GPR55: variants seen among roughly 807,000 people sequenced by gnomAD.
GPR55 encodes G-protein coupled receptor 55.
A neutral mutation model predicts 7.9 loss-of-function variants in GPR55; 6 were observed. The ratio of observed to expected loss-of-function variants is 0.76; its 90% CI spans 0.41 to 1.49. The LOEUF (loss-of-function observed/expected upper bound fraction) is 1.49, where lower values mean the gene tolerates loss of function less well. Ranked by LOEUF, GPR55 falls within the 40% of genes most tolerant of loss-of-function variation. The probability of loss-of-function intolerance (pLI) is 0.01; values close to 1 mark genes in which losing one functional copy is unlikely to be tolerated. For synonymous variants in GPR55, 183 were observed against 166.8 expected (o/e 1.10, Z -0.75); for missense variants, 376 against 406.0 (o/e 0.93, Z 0.63).
intron 1 of GPR55, among the ~76,000 whole-genome samples, chr2:230,939,813 G>A (rs1691193682): frequency 6.6e-6 from 1 of 152,142 alleles, no homozygotes; most frequent in Non-Finnish European, 1.5e-5. Context: ...ATGGGTGGAG[G>A]AAGTCCTTGT....
At chr2:230,945,692 C>T (rs954925312) in intron 1 of GPR55, among the ~76,000 whole-genome samples, 5 of 152,218 alleles carry the variant, frequency 3.3e-5, no homozygotes, top group African/African-American at 1.2e-4. Context: ...CCTTCCTCAG[C>T]CTCCCAAGTA....
At chr2:230,913,026 T>A (rs1690628396) in intron 1 of GPR55, among the ~76,000 whole-genome samples, 1 of 152,186 alleles carries the variant, frequency 6.6e-6, no homozygotes, top group Non-Finnish European at 1.5e-5. Flanking sequence ...GGAAATAATA[T>A]ACCTAGAGCC....
rs1382808158 is a variant in GPR55 at position 230,907,675 on chromosome 2, G to C, written c.*2328C>G. Reference sequence around the variant, plus strand: ...AGGACCTTCCTCTTACAGCCATGCAGCTCCTGGGTCCTGGCTCCCCTCCCC... The same window carrying C: ...AGGACCTTCCTCTTACAGCCATGCACCTCCTGGGTCCTGGCTCCCCTCCCC... On this transcript the variant is annotated 3_prime_UTR_variant, in exon 2 of 2. Coordinates refer to ENST00000650999, the MANE Select transcript of GPR55 (RefSeq NM_005683.4). 6.6e-6 allele frequency: 1 copy of C among 152,512 alleles called. No individual in the cohort carries two copies. The highest frequency in any genetic ancestry group is 1.5e-5 in the Non-Finnish European group (1 of 68,292). The allele number at this position is 152,512 out of a possible 1,614,324, so 9.4% of individuals were successfully genotyped here.
intron 1 of GPR55, among the ~76,000 whole-genome samples, chr2:230,934,218 GT>G (rs1265014804): frequency 6.6e-6 from 1 of 152,202 alleles, no homozygotes; most frequent in African/African-American, 2.4e-5. Context: ...ACAGAATATG[GT>G]GATTTCTAAC....
In GPR55 at chr2:230,913,248, A is replaced by T. The variant is rs1690633842; in HGVS notation, c.-134-2152T>A. Among the ~76,000 whole-genome samples the T allele has an allele frequency of 1.3e-5, 2 of 152,138 alleles. 1 individual carries two copies. The highest frequency in any genetic ancestry group is 2.9e-5 in the Non-Finnish European group (2 of 68,018). Reference sequence around the variant, plus strand: ...TGACTTATTTCTTTGCTGTGCAGCTATTGCTAACAGAATTCTCATTCTGCT... The same window carrying T: ...TGACTTATTTCTTTGCTGTGCAGCTTTTGCTAACAGAATTCTCATTCTGCT... On this transcript the variant is annotated intron_variant, in intron 1 of 1. Transcript: ENST00000650999.
Position 230,909,264 on chromosome 2 carries a change from T to TTCCCCAGAAGTGTCCTTTCCTC in GPR55, c.*717_*738dup, listed in dbSNP as rs1690526395. 1 of 152,654 alleles carries TTCCCCAGAAGTGTCCTTTCCTC rather than the reference T, an allele frequency of 6.6e-6. No individual in the cohort carries two copies. The highest frequency in any genetic ancestry group is 2.4e-5 in the African/African-American group (1 of 41,458). The allele number at this position is 152,654 out of a possible 1,614,324, so 9.5% of individuals were successfully genotyped here. The stretch of plus-strand genomic sequence containing the variant: ...TCCAGCCCTGGGCCTGTCTTCTTCC[T>TTCCCCAGAAGTGTCCTTTCCTC]TCCCCAGAAGTGTCCTTTCCTCTCC... On this transcript the variant is annotated 3_prime_UTR_variant, in exon 2 of 2. Coordinates refer to ENST00000650999, the MANE Select transcript of GPR55 (RefSeq NM_005683.4).
chr2:230,939,352 A>T (rs1370677167), intron 1 of GPR55, among the ~76,000 whole-genome samples: 1 of 152,166 alleles, frequency 6.6e-6, no homozygotes, highest in Admixed American at 6.5e-5. Context: ...CATAGAAAGA[A>T]GGGAGGGTCT....
At chr2:230,952,381 G>A (rs951085930) in intron 1 of GPR55, among the ~76,000 whole-genome samples, 9 of 152,224 alleles carry the variant, frequency 5.9e-5, no homozygotes, top group Admixed American at 4.6e-4. Context: ...GAGCCTGGCC[G>A]TGCCTTGAAC....
upstream of GPR55, among the ~76,000 whole-genome samples, chr2:230,927,710 A>G (rs1451869498): frequency 1.3e-5 from 2 of 152,190 alleles, no homozygotes; most frequent in Middle Eastern, 3.2e-3. Flanking sequence ...AGCTTCAGGA[A>G]CCAGCTTCTT....
chr2:230,957,210 T>A (rs1691495155), intron 1 of GPR55, among the ~76,000 whole-genome samples: 1 of 152,238 alleles, frequency 6.6e-6, no homozygotes, highest in African/African-American at 2.4e-5. Context: ...TGATTTTGTT[T>A]CTTGAGAACT....
At chr2:230,948,482 C>A (rs1050364456) in intron 1 of GPR55, among the ~76,000 whole-genome samples, 1 of 152,180 alleles carries the variant, frequency 6.6e-6, no homozygotes, top group Admixed American at 6.5e-5. Context: ...AGGAAAAATT[C>A]TCCCATAGTC....
chr2:230,930,650 T>C (rs1017260935), intron 1 of GPR55, among the ~76,000 whole-genome samples: 4 of 151,966 alleles, frequency 2.6e-5, no homozygotes, highest in African/African-American at 9.7e-5. Context: ...TACAAAGGCA[T>C]TGAGAGGTTT....
chr2:230,933,411 A>G (rs564146394), intron 1 of GPR55, among the ~76,000 whole-genome samples: 5 of 152,190 alleles, frequency 3.3e-5, no homozygotes, highest in African/African-American at 7.2e-5. Context: ...AGGGGAAGTC[A>G]GGAACCTACT....
At chr2:230,940,099 G>C (rs981809589) in intron 1 of GPR55, among the ~76,000 whole-genome samples, 1 of 152,146 alleles carries the variant, frequency 6.6e-6, no homozygotes, top group Non-Finnish European at 1.5e-5. Context: ...GCTGGGACCT[G>C]AAGGGTGGAT....
intron 1 of GPR55, among the ~76,000 whole-genome samples, chr2:230,933,394 C>T (rs868868914): frequency 6.6e-6 from 1 of 152,178 alleles, no homozygotes; most frequent in South Asian, 2.1e-4. Flanking sequence ...ACCCTGATGT[C>T]CCTGCTAGGG....
chr2:230,953,280 A>C (rs1483941601), intron 1 of GPR55, among the ~76,000 whole-genome samples: 4 of 152,218 alleles, frequency 2.6e-5, no homozygotes, highest in African/African-American at 9.7e-5. Flanking sequence ...ATGGCAAATT[A>C]AGGTTGTCAA....
At chr2:230,940,417 C>T (rs1043223682) in intron 1 of GPR55, among the ~76,000 whole-genome samples, 1 of 152,206 alleles carries the variant, frequency 6.6e-6, no homozygotes, top group African/African-American at 2.4e-5. Flanking sequence ...AATTCTGAAG[C>T]AGCCCCCTGA....
At chr2:230,954,359 G>C (rs773361514) in intron 1 of GPR55, among the ~76,000 whole-genome samples, 1 of 152,238 alleles carries the variant, frequency 6.6e-6, no homozygotes, top group Non-Finnish European at 1.5e-5. Context: ...AAGAGGACTC[G>C]GCTTAACTCT....
chr2:230,917,520 C>G (rs778744476), intron 1 of GPR55, among the ~76,000 whole-genome samples: 1 of 152,152 alleles, frequency 6.6e-6, no homozygotes, highest in African/African-American at 2.4e-5. Flanking sequence ...AATAAAAATA[C>G]AGCCTGGCCG....
Sources: gnomAD v4.1 joint callset for allele counts (sites outside exome capture counted in the v4.1 genomes callset) on GRCh38, gnomAD v4.1.1 for gene constraint, MANE v1.5 for transcripts, NCBI Gene and HGNC (gene_info 2026-07-23, HGNC 2026-07-21) for gene names.